Variants in FGGY observed in about 807,000 individuals in gnomAD.
The protein encoded by FGGY is FGGY carbohydrate kinase domain-containing protein.
FGGY carries 72 observed loss-of-function variants against 71.3 expected under a neutral mutation model. The ratio of observed to expected loss-of-function variants is 1.01; its 90% CI spans 0.84 to 1.23. The LOEUF (loss-of-function observed/expected upper bound fraction) is 1.23. Ranked by LOEUF, FGGY falls within the 50% of genes most tolerant of loss-of-function variation. The probability of loss-of-function intolerance (pLI) is 0.00; values close to 1 mark genes in which losing one functional copy is unlikely to be tolerated. For synonymous variants in FGGY, 251 were observed against 250.3 expected, an observed-to-expected ratio of 1.00 and a Z score of -0.02; for missense variants, 668 against 682.3, an observed-to-expected ratio of 0.98 and a Z score of 0.23.
chr1:59,610,501 C>G (rs1345263152), intron 9 of FGGY, among the ~76,000 whole-genome samples: 1 of 148,902 alleles, frequency 6.7e-6, no homozygotes, highest in Admixed American at 6.8e-5. Context: ...TGGGTCGGTT[C>G]CATGTCTTTG....
intron 6 of FGGY, among the ~76,000 whole-genome samples, chr1:59,482,771 C>A (rs1055038622): frequency 6.6e-6 from 1 of 151,968 alleles, no homozygotes; most frequent in East Asian, 1.9e-4. Context: ...GGTGAAATAA[C>A]ATCACAAAGC....
At chr1:59,515,249 C>G (rs2094613029) in intron 7 of FGGY, among the ~76,000 whole-genome samples, 1 of 152,126 alleles carries the variant, frequency 6.6e-6, no homozygotes. Context: ...TTTGGACTTG[C>G]CTGGGCCCTG....
intron 3 of FGGY, 126 bp from the exon 4 acceptor site, chr1:59,346,121 C>T: frequency 8.0e-7 from 1 of 1,243,784 alleles, no homozygotes. Flanking sequence ...TTTCATTTTG[C>T]ACACTCTTGA....
At chr1:59,300,160 TG>T in intron 1 of FGGY, among the ~76,000 whole-genome samples, 1 of 152,310 alleles carries the variant, frequency 6.6e-6, no homozygotes, top group East Asian at 1.9e-4. Flanking sequence ...AACTACGTAT[TG>T]AGAGTGTCTA....
intron 6 of FGGY, among the ~76,000 whole-genome samples, chr1:59,461,059 G>T (rs7536452): frequency 1.4e-4 from 22 of 152,314 alleles, no homozygotes; most frequent in African/African-American, 5.3e-4. Flanking sequence ...AAAGCTGGAC[G>T]GAGAATGACT....
intron 5 of FGGY, among the ~76,000 whole-genome samples, chr1:59,445,299 T>C (rs74084822): frequency 0.015 from 2,236 of 152,288 alleles, 58 homozygotes; most frequent in African/African-American, 0.052. Context: ...CAGTTCTTTC[T>C]ACCTGGTGCA....
intron 6 of FGGY, among the ~76,000 whole-genome samples, chr1:59,461,987 C>T (rs9660028): frequency 0.039 from 5,850 of 151,482 alleles, 382 homozygotes; most frequent in African/African-American, 0.14. Context: ...TCCCCCCACC[C>T]CACAACAGTC....
intron 5 of FGGY, among the ~76,000 whole-genome samples, chr1:59,401,541 T>C (rs919026397): frequency 3.0e-4 from 45 of 152,220 alleles, no homozygotes; most frequent in Admixed American, 2.0e-4. Flanking sequence ...AACTTGAGTA[T>C]ATTTCTTGTT....
intron 8 of FGGY, among the ~76,000 whole-genome samples, chr1:59,603,200 T>C (rs12728103): frequency 0.13 from 19,683 of 152,250 alleles, 1,520 homozygotes; most frequent in South Asian, 0.3. Context: ...TAAATGTTAC[T>C]TGTTTTCTTA....
intron 14 of FGGY, among the ~76,000 whole-genome samples, chr1:59,753,775 A>G (rs1211493993): frequency 6.6e-6 from 1 of 152,038 alleles, no homozygotes. Flanking sequence ...ATTGAGATAG[A>G]ATACAAAATT....
chr1:59,337,843 T>C (rs1250236327), intron 2 of FGGY, among the ~76,000 whole-genome samples: 2 of 152,218 alleles, frequency 1.3e-5, no homozygotes, highest in East Asian at 3.8e-4. Context: ...ATCTGTATGC[T>C]TTTAATTTAC....
chr1:59,350,134 T>C (rs2052955968), intron 4 of FGGY, among the ~76,000 whole-genome samples: 1 of 152,148 alleles, frequency 6.6e-6, no homozygotes, highest in South Asian at 2.1e-4. Flanking sequence ...TTCTGTGTTC[T>C]AAGTTCATCA....
intron 7 of FGGY, among the ~76,000 whole-genome samples, chr1:59,553,296 T>C (rs1368049731): frequency 6.6e-6 from 1 of 152,240 alleles, no homozygotes; most frequent in African/African-American, 2.4e-5. Context: ...GGCTTCCACA[T>C]CACACCTAGT....
At chr1:59,359,184 G>A (rs765617429) in intron 4 of FGGY, among the ~76,000 whole-genome samples, 3 of 152,046 alleles carry the variant, frequency 2.0e-5, no homozygotes, top group Non-Finnish European at 4.4e-5. Context: ...TCTTAATAAT[G>A]ACTTTATTTT....
chr1:59,406,614 T>A (rs1476336890), intron 5 of FGGY, among the ~76,000 whole-genome samples: 1 of 152,038 alleles, frequency 6.6e-6, no homozygotes, highest in African/African-American at 2.4e-5. Context: ...TGAAACAGGG[T>A]TGCGTATTGA....
chr1:59,377,165 G>A (rs1329956620), intron 4 of FGGY, among the ~76,000 whole-genome samples: 1 of 152,032 alleles, frequency 6.6e-6, no homozygotes. Context: ...ATCATCCAAT[G>A]TCATGGTGAA....
At chr1:59,351,903 T>A (rs1487280141) in intron 4 of FGGY, among the ~76,000 whole-genome samples, 1 of 152,138 alleles carries the variant, frequency 6.6e-6, no homozygotes, top group Non-Finnish European at 1.5e-5. Context: ...ATTTGGGGTT[T>A]TATCTGTCTT....
intron 8 of FGGY, among the ~76,000 whole-genome samples, chr1:59,569,856 A>T (rs2095950326): frequency 1.3e-5 from 2 of 152,176 alleles, no homozygotes; most frequent in South Asian, 4.1e-4. Flanking sequence ...CCCACAGCTA[A>T]TAAATGATAG....
intron 5 of FGGY, among the ~76,000 whole-genome samples, chr1:59,409,510 A>T (rs1366942387): frequency 6.6e-6 from 1 of 151,836 alleles, no homozygotes; most frequent in African/African-American, 2.4e-5. Flanking sequence ...GCTTGTGTGC[A>T]TTGTTCTCCA....
Sources: gnomAD v4.1 joint callset for allele counts (sites outside exome capture counted in the v4.1 genomes callset) on GRCh38, gnomAD v4.1.1 for gene constraint, MANE v1.5 for transcripts, NCBI Gene and HGNC (gene_info 2026-07-23, HGNC 2026-07-21) for gene names.